LHFPL2: variants seen among roughly 807,000 people sequenced by gnomAD.
The protein encoded by LHFPL2 is LHFPL tetraspan subfamily member 2.
A neutral mutation model predicts 17.5 loss-of-function variants in LHFPL2; 7 were observed. That is an observed-to-expected ratio of 0.40 (90% confidence interval 0.23 to 0.75). The LOEUF (loss-of-function observed/expected upper bound fraction) is 0.75, where lower values mean the gene tolerates loss of function less well. Among genes scored for constraint, LHFPL2 ranks in the 30% least tolerant of loss-of-function variants. LHFPL2 has a pLI of 0.37. For missense variants in LHFPL2, 241 were observed against 294.8 expected (o/e 0.82, Z 1.34); for synonymous variants, 134 against 116.2 (o/e 1.15, Z -0.99).
At chr5:78,538,370 T>C (rs1244145538) in intron 3 of LHFPL2, among the ~76,000 whole-genome samples, 1 of 152,108 alleles carries the variant, frequency 6.6e-6, no homozygotes, top group Non-Finnish European at 1.5e-5. Context: ...CATTCAAAGA[T>C]TGGAGAATAA....
chr5:78,598,164 A>T (rs377333354), intron 2 of LHFPL2, among the ~76,000 whole-genome samples: 2 of 152,262 alleles, frequency 1.3e-5, no homozygotes, highest in African/African-American at 2.4e-5. Context: ...GGGATACTAC[A>T]GTTTTTTAAG....
intron 2 of LHFPL2, among the ~76,000 whole-genome samples, chr5:78,610,454 G>A (rs1165151701): frequency 6.6e-6 from 1 of 152,214 alleles, no homozygotes; most frequent in Non-Finnish European, 1.5e-5. Flanking sequence ...AGATGAGTAA[G>A]CCAAATACTG....
chr5:78,559,697 C>T (rs1030097288), intron 3 of LHFPL2, among the ~76,000 whole-genome samples: 11 of 152,132 alleles, frequency 7.2e-5, no homozygotes, highest in African/African-American at 2.7e-4. Context: ...AATTTACCAT[C>T]GAGTAAAGGG....
intron 4 of LHFPL2, chr5:78,494,531 T>G: frequency 1.0e-6 from 1 of 985,354 alleles, no homozygotes; most frequent in Non-Finnish European, 1.2e-6. Flanking sequence ...TTCAACCTTA[T>G]CTGTAGAGGA....
intron 2 of LHFPL2, among the ~76,000 whole-genome samples, chr5:78,575,725 T>C (rs1305812285): frequency 1.3e-5 from 2 of 152,196 alleles, no homozygotes; most frequent in African/African-American, 4.8e-5. Context: ...CCTTTATTTT[T>C]CCCTGACCAG....
At chr5:78,580,806 C>G (rs1405143417) in intron 2 of LHFPL2, among the ~76,000 whole-genome samples, 2 of 151,942 alleles carry the variant, frequency 1.3e-5, no homozygotes, top group African/African-American at 2.4e-5. Flanking sequence ...GTTCTTTTGG[C>G]TTAGGATTGA....
At chr5:78,572,548 ATAC>A (rs1297313384) in intron 2 of LHFPL2, among the ~76,000 whole-genome samples, 1 of 151,572 alleles carries the variant, frequency 6.6e-6, no homozygotes, top group Admixed American at 6.6e-5. Context: ...ACATATATAT[ATAC>A]TAACTAAATA....
intron 3 of LHFPL2, among the ~76,000 whole-genome samples, chr5:78,562,028 A>G (rs2112411786): frequency 6.6e-6 from 1 of 152,256 alleles, no homozygotes; most frequent in Admixed American, 6.5e-5. Flanking sequence ...GTGGTAAGAG[A>G]TTCCCCCAAA....
At chr5:78,565,646 C>T (rs1311799359) in intron 2 of LHFPL2, among the ~76,000 whole-genome samples, 1 of 152,178 alleles carries the variant, frequency 6.6e-6, no homozygotes, top group Non-Finnish European at 1.5e-5. Context: ...GCACCTGGGA[C>T]TGTTATAGGA....
chr5:78,510,223 C>A lies in LHFPL2; in HGVS notation c.-10G>T. 6.4e-7 allele frequency: 1 copy of A among 1,570,424 alleles called. No individual in the cohort carries two copies. ...CAATGACATGACACATATTGATGTT[C>A]CGGGCGAAGAAAGAGTCAGGAGTCC... On this transcript the variant is annotated 5_prime_UTR_variant, in exon 4 of 5. Transcript: ENST00000380345.
chr5:78,532,938 G>A (rs1244012900), intron 3 of LHFPL2, among the ~76,000 whole-genome samples: 1 of 152,222 alleles, frequency 6.6e-6, no homozygotes, highest in Non-Finnish European at 1.5e-5. Flanking sequence ...TGGACAAAGG[G>A]ACACACCGAG....
intron 1 of LHFPL2, among the ~76,000 whole-genome samples, chr5:78,644,057 A>ATTT: frequency 6.6e-6 from 1 of 152,316 alleles, no homozygotes; most frequent in Non-Finnish European, 1.5e-5. Context: ...GAGAGACTTC[A>ATTT]TCTCAAAAGG....
Position 78,489,103 on chromosome 5 carries a change from G to C in LHFPL2, c.481C>G (p.Gln161Glu), listed in dbSNP as rs1754351381. The C allele has an allele frequency of 6.2e-7, 1 of 1,614,042 alleles. No homozygotes were observed. The highest frequency in any genetic ancestry group is 1.3e-5 in the African/African-American group (1 of 74,922). Residue 161 changes from glutamine (Q) to glutamate (E), a missense_variant, in exon 5 of 5, where the codon CAG (glutamine) becomes GAG (glutamate). Physicochemically the swap from Gln to Glu is conservative, Grantham distance 29 (BLOSUM62 2). Transcript: ENST00000380345. Reference sequence around the variant, plus strand: ...TGTCCACAGTAGTCTATGGCCTTCTGGCAACCCCAGCCAGCAGGGTAGAGT... The same window carrying C: ...TGTCCACAGTAGTCTATGGCCTTCTCGCAACCCCAGCCAGCAGGGTAGAGT... ...LILYPAGWGC[Q>E]KAIDYCGHYA...
chr5:78,503,781 A>AT (rs1175357325), intron 4 of LHFPL2, among the ~76,000 whole-genome samples: 1 of 152,116 alleles, frequency 6.6e-6, no homozygotes, highest in Admixed American at 6.5e-5. Context: ...TTCAGCAGTC[A>AT]TTTTTTTATT....
intron 4 of LHFPL2, among the ~76,000 whole-genome samples, chr5:78,493,182 T>G (rs1404647571): frequency 6.6e-6 from 1 of 152,200 alleles, no homozygotes; most frequent in Non-Finnish European, 1.5e-5. Context: ...ATCAGTGACT[T>G]GGGTGTCCCT....
intron 4 of LHFPL2, among the ~76,000 whole-genome samples, chr5:78,499,977 GT>G (rs1754722066): frequency 6.6e-6 from 1 of 151,512 alleles, no homozygotes. Context: ...TGGAACACCT[GT>G]GTGAGCAGAA....
intron 2 of LHFPL2, among the ~76,000 whole-genome samples, chr5:78,597,592 A>G (rs1272459328): frequency 2.6e-5 from 4 of 152,064 alleles, no homozygotes; most frequent in Admixed American, 1.3e-4. Flanking sequence ...TTGGAAAGTC[A>G]GGAAACTCTA....
At chr5:78,645,337 T>C (rs1745826829) in intron 1 of LHFPL2, among the ~76,000 whole-genome samples, 1 of 151,806 alleles carries the variant, frequency 6.6e-6, no homozygotes, top group African/African-American at 2.4e-5. Flanking sequence ...GAACAGAGCC[T>C]GGCCCAAGGG....
At chr5:78,633,741 G>T (rs1745332063) in intron 1 of LHFPL2, among the ~76,000 whole-genome samples, 1 of 152,242 alleles carries the variant, frequency 6.6e-6, no homozygotes, top group South Asian at 2.1e-4. Context: ...CACCTTCAGG[G>T]TAGGGAGGTG....
Sources: gnomAD v4.1 joint callset for allele counts (sites outside exome capture counted in the v4.1 genomes callset) on GRCh38, gnomAD v4.1.1 for gene constraint, MANE v1.5 for transcripts, NCBI Gene and HGNC (gene_info 2026-07-23, HGNC 2026-07-21) for gene names.